FAM184A: variants seen among roughly 807,000 people sequenced by gnomAD.
FAM184A encodes the protein family with sequence similarity 184 member A, also known as protein FAM184A.
In FAM184A, 99 loss-of-function variants were observed where a neutral mutation model predicts 143.8. The observed-to-expected ratio is 0.69, with a 90% CI of 0.58 to 0.81. The LOEUF is 0.81. Among genes scored for constraint, FAM184A ranks in the 40% least tolerant of loss-of-function variants. The probability of loss-of-function intolerance (pLI) is 0.00; values close to 1 mark genes in which losing one functional copy is unlikely to be tolerated. For synonymous variants in FAM184A, 427 were observed against 446.4 expected, an observed-to-expected ratio of 0.96 and a Z score of 0.55; for missense variants, 1,217 against 1,310.5, an observed-to-expected ratio of 0.93 and a Z score of 1.10.
In FAM184A at chr6:119,024,134, C is replaced by A; in HGVS notation, c.839G>T (p.Ser280Ile). Residue 280 changes from serine to isoleucine, a missense_variant, in exon 2 of 18, where the codon AGC (serine) becomes ATC (isoleucine). Transcript: ENST00000338891. ...TCTAAGATCAGCTTCCTTTTCTTTG[C>A]TGGCCTGTAGGCTTTCTGCTGTAAA... ...QLFTAESLQA[S>I]KEKEADLRKE... The A allele has an allele frequency of 1.2e-6, 2 of 1,614,114 alleles. No homozygotes were observed. The highest frequency in any genetic ancestry group is 1.7e-6 in the Non-Finnish European group (2 of 1,180,026).
chr6:119,057,734 C>T (rs1787043632), intron 1 of FAM184A: 1 of 151,740 alleles, frequency 6.6e-6, no homozygotes, highest in Non-Finnish European at 1.5e-5. Context: ...CAGAGGGCAA[C>T]CTTGTCTCTA....
At chr6:119,140,840 G>A (rs886096221) in intron 1 of FAM184A, among the ~76,000 whole-genome samples, 3 of 152,188 alleles carry the variant, frequency 2.0e-5, no homozygotes, top group Non-Finnish European at 2.9e-5. Flanking sequence ...ATTTTGCATC[G>A]TGGTCTACAG....
intron 1 of FAM184A, among the ~76,000 whole-genome samples, chr6:119,120,978 T>TA (rs1789198123): frequency 6.9e-6 from 1 of 145,722 alleles, no homozygotes; most frequent in Non-Finnish European, 1.5e-5. Context: ...TGAAAAACTT[T>TA]CTTTTTTTTT....
chr6:119,074,025 G>A (rs1426984096), intron 1 of FAM184A, among the ~76,000 whole-genome samples: 1 of 152,186 alleles, frequency 6.6e-6, no homozygotes, highest in Non-Finnish European at 1.5e-5. Flanking sequence ...ACCAATCAGC[G>A]CATAAGGGAA....
chr6:119,062,830 T>C (rs944596727), intron 1 of FAM184A, among the ~76,000 whole-genome samples: 4 of 152,304 alleles, frequency 2.6e-5, no homozygotes, highest in Middle Eastern at 3.4e-3. Context: ...TTGTCTCAGG[T>C]ATTTTCTGTC....
At chr6:118,965,470 C>A (rs758559054) in intron 15 of FAM184A, among the ~76,000 whole-genome samples, 8 of 152,130 alleles carry the variant, frequency 5.3e-5, no homozygotes, top group Non-Finnish European at 8.8e-5. Context: ...AAAACCTTTA[C>A]CTTTGGCTTC....
chr6:119,057,119 C>A (rs1030899996), intron 1 of FAM184A, among the ~76,000 whole-genome samples: 3 of 152,160 alleles, frequency 2.0e-5, no homozygotes, highest in African/African-American at 7.2e-5. Flanking sequence ...TGTAGTCTAT[C>A]TTGAAACCAA....
intron 14 of FAM184A, among the ~76,000 whole-genome samples, chr6:118,967,615 T>A (rs1028531732): frequency 1.3e-5 from 2 of 152,148 alleles, no homozygotes; most frequent in Admixed American, 1.3e-4. Context: ...AACGTTAAAA[T>A]ATAGGCCACT....
chr6:119,045,115 G>T (rs1442109385), intron 1 of FAM184A, among the ~76,000 whole-genome samples: 2 of 152,066 alleles, frequency 1.3e-5, no homozygotes, highest in Non-Finnish European at 2.9e-5. Flanking sequence ...GATATTCTTA[G>T]GCAGAAGGGA....
At chr6:119,097,091 A>G (rs1207195870) in intron 1 of FAM184A, among the ~76,000 whole-genome samples, 1 of 152,196 alleles carries the variant, frequency 6.6e-6, no homozygotes, top group African/African-American at 2.4e-5. Context: ...AAATCCTATC[A>G]GAAGGAATAC....
chr6:118,995,920 T>A (rs1438464997), intron 9 of FAM184A, among the ~76,000 whole-genome samples: 1 of 152,212 alleles, frequency 6.6e-6, no homozygotes, highest in African/African-American at 2.4e-5. Context: ...TGTTCTGCAT[T>A]TCATCACAGG....
At position 119,084,712 on chromosome 6, in the gene FAM184A, T is replaced by C. The variant is rs1004752992; in HGVS notation, c.-201-59899A>G. On this transcript the variant is annotated intron_variant, in intron 1 of 16. Coordinates refer to the FAM184A transcript ENST00000352896. The stretch of plus-strand genomic sequence containing the variant: ...CTCCTTGGCACTGCCCTAGTAGAGG[T>C]TCTCCATGAGGGCTCTGCCTCTGCA... Among the ~76,000 whole-genome samples, 5 of 152,316 alleles carry C rather than the reference T, an allele frequency of 3.3e-5. No homozygotes were observed. The East Asian group carries it at 9.7e-4, about 29-fold the overall frequency.
At chr6:119,065,089 AG>A (rs1302947246) in intron 1 of FAM184A, among the ~76,000 whole-genome samples, 4 of 152,128 alleles carry the variant, frequency 2.6e-5, no homozygotes, top group Non-Finnish European at 5.9e-5. Context: ...TCTATCTCCT[AG>A]TATCAGAATC....
In FAM184A at chr6:119,003,621, C is replaced by A. The variant is rs1378462592; in HGVS notation, c.1817G>T (p.Gly606Val). The A allele has an allele frequency of 6.2e-7, 1 of 1,600,658 alleles. No homozygotes were observed. The highest frequency in any genetic ancestry group is 1.3e-5 in the African/African-American group (1 of 74,292). ...CTGTTGCCTTTCTTGTTCTAGCTCA[C>A]CCTGAAGAATAAAAACTTTTCAATG... ...ETKDALLNVE[G>V]ELEQERQQHE... The change falls in exon 8 of 18, where the codon GGT becomes GTT. Residue 606 changes from glycine to valine, a missense_variant and splice_region_variant. By Grantham distance (109) the Gly-to-Val change is moderately radical. Transcript: ENST00000338891.
chr6:119,077,267 C>T (rs545796463), intron 1 of FAM184A, among the ~76,000 whole-genome samples: 1 of 152,262 alleles, frequency 6.6e-6, no homozygotes, highest in African/African-American at 2.4e-5. Flanking sequence ...AGCATACCAA[C>T]TCTCCTAACA....
chr6:119,116,181 G>A (rs1368610763), intron 1 of FAM184A, among the ~76,000 whole-genome samples: 1 of 152,136 alleles, frequency 6.6e-6, no homozygotes, highest in Non-Finnish European at 1.5e-5. Flanking sequence ...AGAGGTGGGG[G>A]CAGAAGGGGA....
intron 1 of FAM184A, among the ~76,000 whole-genome samples, chr6:119,047,977 C>G (rs1786602915): frequency 6.6e-6 from 1 of 152,124 alleles, no homozygotes; most frequent in Non-Finnish European, 1.5e-5. Context: ...TGCAAAAATC[C>G]TTAACAAAAT....
chr6:119,061,530 T>TC (rs1787243521), intron 1 of FAM184A, among the ~76,000 whole-genome samples: 5 of 141,496 alleles, frequency 3.5e-5, no homozygotes, highest in African/African-American at 1.1e-4. Context: ...TAATTATTTT[T>TC]CTTTTTTTTT....
chr6:119,127,664 G>A (rs1789408371), intron 1 of FAM184A, among the ~76,000 whole-genome samples: 1 of 152,182 alleles, frequency 6.6e-6, no homozygotes, highest in Non-Finnish European at 1.5e-5. Flanking sequence ...AGGAAAGCAG[G>A]AGGGAAGCAG....
Sources: allele counts gnomAD v4.1 joint callset (sites outside exome capture counted in the v4.1 genomes callset), GRCh38; gene constraint gnomAD v4.1.1; transcripts MANE v1.5; gene names NCBI Gene and HGNC (gene_info 2026-07-23, HGNC 2026-07-21).